Variants in FBXO41 observed in about 807,000 individuals in gnomAD.
FBXO41 encodes F-box protein 41.
Under a neutral mutation model 81.6 loss-of-function variants are expected in FBXO41, and 33 were observed. The observed-to-expected ratio is 0.40, with a 90% CI of 0.31 to 0.54. The LOEUF (loss-of-function observed/expected upper bound fraction) is 0.54, where lower values mean the gene tolerates loss of function less well. Ranked by LOEUF, FBXO41 falls within the 20% of genes least tolerant of loss-of-function variation. The pLI is 0.39. For missense variants in FBXO41, 1,107 were observed against 1,236.0 expected (o/e 0.90, Z 1.56); for synonymous variants, 576 against 552.7 (o/e 1.04, Z -0.59).
rs753265961 is a variant in FBXO41 at position 73,260,592 on chromosome 2, T to G, written c.2291-45A>C. On this transcript the variant is annotated intron_variant, in intron 10 of 12. Transcript: ENST00000520530. The surrounding 1 kb of genome is among the most constrained non-coding windows in gnomAD (Gnocchi z 5.0). ...GGATCCTGCTGACACACTCCCCAGG[T>G]CACCCCTGCAGCCAGCACCCTGGCT... The G allele has an allele frequency of 6.4e-7, 1 of 1,556,352 alleles. No homozygotes were observed. Among genetic ancestry groups the G allele is most frequent in the Non-Finnish European group, 8.7e-7 (1 of 1,150,490 alleles).
In FBXO41 at chr2:73,259,408, C is replaced by T. The variant is rs749646355; in HGVS notation, c.2450-112G>A. On this transcript the variant is annotated intron_variant, in intron 11 of 12. Coordinates refer to ENST00000520530, the MANE Select transcript of FBXO41 (RefSeq NM_001371389.2). The surrounding 1 kb of genome is among the most constrained non-coding windows in gnomAD (Gnocchi z 4.2). ...AATCAGGTGCCAGCTACCGGGAACA[C>T]GACAGAGGAGAGCAGACTCATGCCA... 806 of 909,706 alleles carry T rather than the reference C, an allele frequency of 8.9e-4. 1 individual carries two copies. The highest frequency in any genetic ancestry group is 1.1e-3 in the Non-Finnish European group (622 of 575,950). The allele number at this position is 909,706 out of a possible 1,614,324, so 56.4% of individuals were successfully genotyped here.
intron 1 of FBXO41, among the ~76,000 whole-genome samples, chr2:73,270,102 G>T (rs928045148): frequency 2.6e-5 from 4 of 152,180 alleles, no homozygotes; most frequent in African/African-American, 9.7e-5. Flanking sequence ...AATAAGAAAA[G>T]AAACTATTGG....
Position 73,259,268 on chromosome 2 carries a change from C to T in FBXO41, c.2478G>A (p.Val826=). The T allele has an allele frequency of 4.3e-6, 7 of 1,614,042 alleles. No individual in the cohort carries two copies. Among genetic ancestry groups the T allele is most frequent in the Non-Finnish European group, 5.9e-6 (7 of 1,179,898 alleles). ...AATAATCCGCAATCCCAATCTGGACCACAATGGACTTGAGGTTCCGGCAGA... is the reference window on the plus strand; with the variant it reads ...AATAATCCGCAATCCCAATCTGGACTACAATGGACTTGAGGTTCCGGCAGA... ...NSICRNLKSI[V]VQIGIADYFK... The change falls in exon 12 of 13, where the codon GTG becomes GTA. Residue 826 remains valine, a synonymous_variant. Coordinates refer to ENST00000520530, the MANE Select transcript of FBXO41 (RefSeq NM_001371389.2). The surrounding 1 kb of genome is among the most constrained non-coding windows in gnomAD (Gnocchi z 4.2).
Position 73,260,793 on chromosome 2 carries a change from C to T in FBXO41, c.2237G>A (p.Arg746Gln), listed in dbSNP as rs868335347. Residue 746 changes from arginine to glutamine, a missense_variant, in exon 10 of 13, where the codon CGG becomes CAG. Around this residue, in one of 2 missense-constraint regions of FBXO41, gnomAD observed 336 missense variants for 446.7 expected, o/e 0.75. Coordinates refer to ENST00000520530, the MANE Select transcript of FBXO41 (RefSeq NM_001371389.2). The surrounding 1 kb of genome is among the most constrained non-coding windows in gnomAD (Gnocchi z 5.0). The stretch of plus-strand genomic sequence containing the variant: ...GCCGGCACCCCCGACCCCCAGGGCC[C>T]GCAGGTGGGGCCAACAGCGACCAAT... Reference protein sequence around the residue: ...QMIGRCWPHLRALGVGGAGCG... With the variant: ...QMIGRCWPHLQALGVGGAGCG... 5.7e-6 allele frequency: 9 copies of T among 1,566,990 alleles called. 1 individual carries two copies. Among genetic ancestry groups the T allele is most frequent in the South Asian group, 4.7e-5 (4 of 85,282 alleles).
rs769468394 is a variant in FBXO41, at chr2:73,265,396, C to T, written c.1450G>A (p.Gly484Ser). The T allele has an allele frequency of 3.1e-6, 5 of 1,611,104 alleles. No homozygotes were observed. The South Asian group carries it at 4.4e-5, about 14-fold the overall frequency. ...CGGGAGCCAACGTCGGAGACATCACCCTCTTCCCCCTCAGTGCTGTGTCGG... is the reference window on the plus strand; with the variant it reads ...CGGGAGCCAACGTCGGAGACATCACTCTCTTCCCCCTCAGTGCTGTGTCGG... ...PRRHSTEGEE[G>S]DVSDVGSRTT... Residue 484 changes from glycine (G) to serine (S), a missense_variant, in exon 5 of 13, where the codon GGT (glycine) becomes AGT (serine). Gly to Ser is a moderately conservative substitution (Grantham distance 56). Coordinates refer to ENST00000520530, the MANE Select transcript of FBXO41 (RefSeq NM_001371389.2).
intron 9 of FBXO41, among the ~76,000 whole-genome samples, chr2:73,262,955 G>A (rs1421622175): frequency 6.6e-6 from 1 of 152,196 alleles, no homozygotes; most frequent in Non-Finnish European, 1.5e-5. Flanking sequence ...ATGTTGGTCA[G>A]GATGGTCTCG....
In FBXO41 at chr2:73,269,589, C is replaced by A; in HGVS notation, c.42G>T (p.Gly14=). 7.6e-7 allele frequency: 1 copy of A among 1,321,042 alleles called. No homozygotes were observed. The highest frequency in any genetic ancestry group is 9.8e-7 in the Non-Finnish European group (1 of 1,025,456). The allele number at this position is 1,321,042 out of a possible 1,614,324, so 81.8% of individuals were successfully genotyped here. A position where few individuals can be genotyped will look rare whatever the true frequency, so the allele number is the denominator to read the frequency against. Reference sequence around the variant, plus strand: ...ACAGGCTCCGGAAGCGCTTGTGCTCCCCGCAGCGGGGGCAGCGGTACGGCA... The same window carrying A: ...ACAGGCTCCGGAAGCGCTTGTGCTCACCGCAGCGGGGGCAGCGGTACGGCA... The part of the protein sequence containing the change: ...LDLPYRCPRC[G]EHKRFRSLSS... The change falls in exon 2 of 13, where the codon GGG becomes GGT. Residue 14 remains glycine, a synonymous_variant. Transcript: ENST00000520530. The surrounding 1 kb of genome is among the most constrained non-coding windows in gnomAD (Gnocchi z 7.0).
chr2:73,268,907 C>T lies in FBXO41; in HGVS notation c.724G>A (p.Glu242Lys). The change falls in exon 2 of 13, where the codon GAG becomes AAG. Residue 242 changes from glutamate to lysine, a missense_variant. Transcript: ENST00000520530. ...GQVGRLQAEL[E>K]RKAAELETAR... Reference sequence around the variant, plus strand: ...GTCTCCAGTTCGGCCGCCTTGCGCTCCAGCTCGGCCTGCAGCCGGCCCACC... The same window carrying T: ...GTCTCCAGTTCGGCCGCCTTGCGCTTCAGCTCGGCCTGCAGCCGGCCCACC... 1.3e-6 allele frequency: 2 copies of T among 1,546,084 alleles called. No individual in the cohort carries two copies. The highest frequency in any genetic ancestry group is 1.7e-6 in the Non-Finnish European group (2 of 1,148,344).
chr2:73,276,578 G>C (rs568196124), intron 1 of FBXO41, among the ~76,000 whole-genome samples: 402 of 127,436 alleles, frequency 3.2e-3, no homozygotes, highest in Non-Finnish European at 5.0e-3. Flanking sequence ...GAGAGAGAGA[G>C]AGAGAGAGAG....
chr2:73,264,647 G>A, intron 5 of FBXO41, 128 bp from the exon 6 acceptor site: 1 of 1,369,976 alleles, frequency 7.3e-7, no homozygotes, highest in Non-Finnish European at 9.8e-7. Flanking sequence ...GGCCTAGGGA[G>A]GAAGGAAAAG....
At chr2:73,263,603 C>A (rs60649287) in intron 8 of FBXO41, 75 bp downstream of exon 8, 1 of 1,563,406 alleles carries the variant, frequency 6.4e-7, no homozygotes, top group South Asian at 1.2e-5. Context: ...CTGGGGGAGG[C>A]TATGCAGCAC....
At chr2:73,277,364 A>G (rs1158079675) in intron 1 of FBXO41, among the ~76,000 whole-genome samples, 2 of 152,236 alleles carry the variant, frequency 1.3e-5, no homozygotes, top group African/African-American at 4.8e-5. Flanking sequence ...GGGAGGTAGG[A>G]CAGCAGGAAA....
rs1265948540 is a variant in FBXO41, at chr2:73,263,262, C to T, written c.2122G>A (p.Ala708Thr). The T allele has an allele frequency of 9.0e-6, 14 of 1,554,320 alleles. No homozygotes were observed. Among genetic ancestry groups the T allele is most frequent in the East Asian group, 2.4e-5 (1 of 41,290 alleles). ...AGGGAGACGATCTCTCTGCAGCCTG[C>T]GCCCAGGGCCCAAATGACCTCATGG... ...VGHEVIWALG[A>T]GCREIVSLQV... The change falls in exon 9 of 13, where the codon GCA (alanine) becomes ACA (threonine). Residue 708 changes from alanine to threonine, a missense_variant. Ala to Thr is a moderately conservative substitution (Grantham distance 58). This residue lies in a region of FBXO41 where 336 missense variants were observed against 446.7 expected (regional missense o/e 0.75). Transcript: ENST00000520530.
rs746551105 is a variant in FBXO41 at position 73,265,647 on chromosome 2, C to G, written c.1206-7G>C. ...TGGCACACGGCTGGAGGCCCTGGGG[C>G]AGGGTGGACCACACAGTAAGGGGTA... On this transcript the variant is annotated splice_region_variant and splice_polypyrimidine_tract_variant and intron_variant, in intron 4 of 12. Coordinates refer to ENST00000520530, the MANE Select transcript of FBXO41 (RefSeq NM_001371389.2). The G allele has an allele frequency of 6.7e-7, 1 of 1,498,420 alleles. No individual in the cohort carries two copies. The highest frequency in any genetic ancestry group is 1.4e-5 in the African/African-American group (1 of 71,534). The allele number at this position is 1,498,420 out of a possible 1,614,324, so 92.8% of individuals were successfully genotyped here.
chr2:73,274,652 C>T (rs1399088665), intron 1 of FBXO41, among the ~76,000 whole-genome samples: 1 of 152,040 alleles, frequency 6.6e-6, no homozygotes. Flanking sequence ...ACAAATAGCC[C>T]TAATACCATA....
At chr2:73,267,808 C>T (rs1052882078) in intron 2 of FBXO41, among the ~76,000 whole-genome samples, 3 of 152,152 alleles carry the variant, frequency 2.0e-5, no homozygotes, top group Non-Finnish European at 4.4e-5. Flanking sequence ...TCACTCAACA[C>T]AAAGTCTATT....
rs1688401685 is a variant in FBXO41, at chr2:73,269,261, G to A, written c.370C>T (p.Pro124Ser). Residue 124 changes from proline (P) to serine (S), a missense_variant, in exon 2 of 13, where the codon CCC becomes TCC. This residue lies in a region of FBXO41 where 771 missense variants were observed against 789.2 expected (regional missense o/e 0.98). Coordinates refer to ENST00000520530, the MANE Select transcript of FBXO41 (RefSeq NM_001371389.2). The surrounding 1 kb of genome is among the most constrained non-coding windows in gnomAD (Gnocchi z 7.0). ...PLAHFPGDLV[P>S]ASLPCEELAE... ...AACTCCTCACAGGGCAGGCTAGCGG[G>A]CACCAGGTCGCCGGGGAAGTGGGCG... 2 of 1,530,752 alleles carry A rather than the reference G, an allele frequency of 1.3e-6. No individual in the cohort carries two copies. The highest frequency in any genetic ancestry group is 1.4e-5 in the African/African-American group (1 of 70,032). 94.8% of individuals were successfully genotyped at this position (1,530,752 alleles called of 1,614,324 possible).
In FBXO41 at chr2:73,255,555, C is replaced by G. The variant is rs549107896; in HGVS notation, c.*3427G>C. The G allele has an allele frequency of 1.3e-5, 2 of 152,722 alleles. No individual in the cohort carries two copies. The highest frequency in any genetic ancestry group is 3.9e-4 in the East Asian group (2 of 5,168). 9.5% of individuals were successfully genotyped at this position (152,722 alleles called of 1,614,324 possible). On this transcript the variant is annotated 3_prime_UTR_variant, in exon 13 of 13. Coordinates refer to ENST00000520530, the MANE Select transcript of FBXO41 (RefSeq NM_001371389.2). The stretch of plus-strand genomic sequence containing the variant: ...AGGTCCCATGGGTTCGAGTTAACTT[C>G]TCTGGGCATTTGGGCCTTACACCCA...
rs1688224892 is a variant in FBXO41, at chr2:73,265,548, T to C, written c.1298A>G (p.Glu433Gly). The C allele has an allele frequency of 6.3e-7, 1 of 1,586,614 alleles. No individual in the cohort carries two copies. The highest frequency in any genetic ancestry group is 8.6e-7 in the Non-Finnish European group (1 of 1,167,760). ...GCCCAAGCCCCCAGGGCCACTGTCC[T>C]CAGGGGCCCCCTCCTCTGGCCTGGG... ...ELPRPEEGAP[E>G]DSGPGGLGTR... Residue 433 changes from glutamate (E) to glycine (G), a missense_variant, in exon 5 of 13, where the codon GAG (glutamate) becomes GGG (glycine). Glu to Gly is a moderately conservative substitution (Grantham distance 98). Transcript: ENST00000520530.
Sources: allele counts gnomAD v4.1 joint callset (sites outside exome capture counted in the v4.1 genomes callset), GRCh38; gene constraint gnomAD v4.1.1; regional missense constraint gnomAD v4.1.1; non-coding constraint Gnocchi (gnomAD v3.1); transcripts MANE v1.5; gene names NCBI Gene and HGNC (gene_info 2026-07-23, HGNC 2026-07-21).